The following GAS2 variants were observed in gnomAD, a reference collection of about 807,000 sequenced individuals.
GAS2 encodes growth arrest specific 2.
Under a neutral mutation model 37.5 loss-of-function variants are expected in GAS2, and 20 were observed. The observed-to-expected ratio is 0.53, with a 90% CI of 0.37 to 0.77. The LOEUF (loss-of-function observed/expected upper bound fraction) is 0.77. Among genes scored for constraint, GAS2 ranks in the 30% least tolerant of loss-of-function variants. The pLI is 0.00. For missense variants in GAS2, 336 were observed against 373.4 expected (o/e 0.90, Z 0.82); for synonymous variants, 144 against 132.2 (o/e 1.09, Z -0.61).
At chr11:22,668,761 A>G (rs1849087502) in intron 1 of GAS2, among the ~76,000 whole-genome samples, 1 of 152,208 alleles carries the variant, frequency 6.6e-6, no homozygotes, top group African/African-American at 2.4e-5. Flanking sequence ...TGGAAAACTA[A>G]GTTACCTTGG....
intron 7 of GAS2, among the ~76,000 whole-genome samples, chr11:22,760,849 G>T (rs1255010188): frequency 5.3e-5 from 8 of 152,136 alleles, no homozygotes. Flanking sequence ...AACAGATACA[G>T]TTAAAAATTT....
chr11:22,800,855 T>C (rs563512604), intron 7 of GAS2, among the ~76,000 whole-genome samples: 4 of 152,252 alleles, frequency 2.6e-5, no homozygotes, highest in Admixed American at 2.6e-4. Context: ...GTTTTTATTT[T>C]TGTTAGTGGT....
At chr11:22,670,090 T>C (rs1215886399) in intron 1 of GAS2, among the ~76,000 whole-genome samples, 1 of 152,148 alleles carries the variant, frequency 6.6e-6, no homozygotes, top group African/African-American at 2.4e-5. Flanking sequence ...TTTGGAAGGG[T>C]ATTCGATTTG....
At chr11:22,712,993 G>A (rs1169854002) in intron 3 of GAS2, among the ~76,000 whole-genome samples, 2 of 149,932 alleles carry the variant, frequency 1.3e-5, no homozygotes, top group African/African-American at 2.5e-5. Flanking sequence ...CATAAGAATT[G>A]CTTGAACCCC....
At chr11:22,634,796 G>A (rs1858799628) in intron 1 of GAS2, among the ~76,000 whole-genome samples, 1 of 152,116 alleles carries the variant, frequency 6.6e-6, no homozygotes, top group South Asian at 2.1e-4. Flanking sequence ...GCAGGGGAGT[G>A]ATGTAGACTC....
At chr11:22,786,263 G>A (rs1456346391) in intron 7 of GAS2, among the ~76,000 whole-genome samples, 3 of 152,018 alleles carry the variant, frequency 2.0e-5, no homozygotes, top group Admixed American at 6.6e-5. Context: ...AACTTCATCC[G>A]AGCTGTCACC....
intron 1 of GAS2, among the ~76,000 whole-genome samples, chr11:22,670,284 A>G (rs1189915800): frequency 2.8e-5 from 4 of 143,508 alleles, no homozygotes; most frequent in Non-Finnish European, 4.5e-5. Context: ...ATTGTTTTCA[A>G]TGTTCACAGT....
intron 5 of GAS2, among the ~76,000 whole-genome samples, chr11:22,739,301 G>A (rs1852923875): frequency 6.6e-6 from 1 of 152,002 alleles, no homozygotes; most frequent in Admixed American, 6.6e-5. Context: ...TTGGCCGGGC[G>A]CTGTGGCTCA....
At chr11:22,764,297 A>C (rs1854553562) in intron 7 of GAS2, among the ~76,000 whole-genome samples, 1 of 152,254 alleles carries the variant, frequency 6.6e-6, no homozygotes, top group South Asian at 2.1e-4. Flanking sequence ...ACGGCGGATC[A>C]TGCCTGTAAT....
At chr11:22,645,056 A>G (rs1848673742) in intron 1 of GAS2, among the ~76,000 whole-genome samples, 1 of 152,236 alleles carries the variant, frequency 6.6e-6, no homozygotes. Context: ...CATTGTTACC[A>G]GGATGATGGT....
At chr11:22,670,396 G>A (rs1849153523) in intron 1 of GAS2, among the ~76,000 whole-genome samples, 1 of 72,586 alleles carries the variant, frequency 1.4e-5, no homozygotes, top group South Asian at 5.7e-4. Flanking sequence ...CATCATCTTA[G>A]GGGCAGCATT....
At chr11:22,744,772 C>T (rs796215798) in intron 5 of GAS2, among the ~76,000 whole-genome samples, 6 of 152,230 alleles carry the variant, frequency 3.9e-5, no homozygotes, top group African/African-American at 1.4e-4. Flanking sequence ...CTACTCTCTT[C>T]ACTCCTATTC....
chr11:22,639,494 A>G (rs866608284), intron 1 of GAS2, among the ~76,000 whole-genome samples: 5 of 152,170 alleles, frequency 3.3e-5, no homozygotes, highest in Non-Finnish European at 5.9e-5. Flanking sequence ...GGACTGAAAC[A>G]TAGATCTTAG....
rs1214856624 is a variant in GAS2 at position 22,666,857 on chromosome 11, A to G, written c.-63A>G. 1 of 152,532 alleles carries G rather than the reference A, an allele frequency of 6.6e-6. No homozygotes were observed. The highest frequency in any genetic ancestry group is 2.4e-5 in the African/African-American group (1 of 41,426). The allele number at this position is 152,532 out of a possible 1,614,324, so 9.4% of individuals were successfully genotyped here. On this transcript the variant is annotated 5_prime_UTR_variant, in exon 1 of 8. Coordinates refer to ENST00000454584, the MANE Select transcript of GAS2 (RefSeq NM_001143830.3). ...CTGCAGGAGCCCAGCCCGGAGCCCA[A>G]GCGCCTCTGAGAGCCGCCAGCAGCC...
At chr11:22,769,636 A>G (rs1192858253) in intron 7 of GAS2, among the ~76,000 whole-genome samples, 1 of 152,242 alleles carries the variant, frequency 6.6e-6, no homozygotes, top group Non-Finnish European at 1.5e-5. Flanking sequence ...CAGTTTTCCC[A>G]AAGATGACTT....
intron 1 of GAS2, among the ~76,000 whole-genome samples, chr11:22,639,440 TC>T (rs1392187313): frequency 1.3e-5 from 2 of 152,228 alleles, no homozygotes; most frequent in African/African-American, 4.8e-5. Flanking sequence ...ATCCTTTCTT[TC>T]TAAATTACCA....
chr11:22,730,855 C>G (rs975588432), intron 4 of GAS2, among the ~76,000 whole-genome samples: 5 of 151,572 alleles, frequency 3.3e-5, no homozygotes, highest in Non-Finnish European at 7.4e-5. Context: ...CTGTATTAAT[C>G]AATAATCTTC....
intron 4 of GAS2, chr11:22,731,241 A>G (rs974148089): frequency 8.3e-6 from 3 of 362,140 alleles, no homozygotes; most frequent in Non-Finnish European, 1.7e-5. Context: ...GGAGATGGCG[A>G]AAAAAGGGAT....
In GAS2 at chr11:22,637,244, A is replaced by G. The variant is rs374593719; in HGVS notation, c.-21+11431A>G. Among the ~76,000 whole-genome samples the G allele has an allele frequency of 7.2e-3, 289 of 39,930 alleles. 16 individuals carry two copies. Among genetic ancestry groups the G allele is most frequent in the Non-Finnish European group, 0.011 (219 of 20,574 alleles). The allele number at this position is 39,930 out of a possible 152,430, so 26.2% of individuals were successfully genotyped here. A position where few individuals can be genotyped will look rare whatever the true frequency, so the allele number is the denominator to read the frequency against. ...AGTATACTAATATAATATTAATTAT[A>G]TTAATAGTATACTAATATATTAATT... On this transcript the variant is annotated intron_variant, in intron 1 of 5. Coordinates refer to the GAS2 transcript ENST00000528582.
Sources: allele counts gnomAD v4.1 joint callset (sites outside exome capture counted in the v4.1 genomes callset), GRCh38; gene constraint gnomAD v4.1.1; transcripts MANE v1.5; gene names NCBI Gene and HGNC (gene_info 2026-07-23, HGNC 2026-07-21).